ADAMTSL1: variants seen among roughly 807,000 people sequenced by gnomAD.
ADAMTSL1 encodes ADAMTS-like protein 1.
ADAMTSL1 carries 126 observed loss-of-function variants against 201.8 expected under a neutral mutation model. That is an observed-to-expected ratio of 0.62 (90% CI 0.54 to 0.72). The LOEUF (loss-of-function observed/expected upper bound fraction) is 0.72. Ranked by LOEUF, ADAMTSL1 falls within the 30% of genes least tolerant of loss-of-function variation. The probability of loss-of-function intolerance (pLI) is 0.00; values close to 1 mark genes in which losing one functional copy is unlikely to be tolerated. For missense variants in ADAMTSL1, 2,679 were observed against 2,277.8 expected (o/e 1.18, Z -3.59); for synonymous variants, 1,121 against 903.4 (o/e 1.24, Z -4.32).
chr9:18,210,319 C>A (rs1829814665), intron 2 of ADAMTSL1, among the ~76,000 whole-genome samples: 1 of 148,964 alleles, frequency 6.7e-6, no homozygotes, highest in Admixed American at 6.7e-5. Context: ...TTAATTAATT[C>A]ATTAATAAGA....
At chr9:18,500,907 C>T (rs1481467579) in intron 1 of ADAMTSL1, among the ~76,000 whole-genome samples, 2 of 152,198 alleles carry the variant, frequency 1.3e-5, no homozygotes, top group Non-Finnish European at 2.9e-5. Context: ...GACATTGCTG[C>T]TGAAATTTCC....
intron 1 of ADAMTSL1, among the ~76,000 whole-genome samples, chr9:18,482,604 C>G (rs956492418): frequency 1.3e-5 from 2 of 152,132 alleles, no homozygotes; most frequent in African/African-American, 4.8e-5. Context: ...TGTGAGCAAC[C>G]TATAATAAAT....
intron 1 of ADAMTSL1, among the ~76,000 whole-genome samples, chr9:18,123,208 T>C (rs2131929143): frequency 6.6e-6 from 1 of 152,352 alleles, no homozygotes; most frequent in East Asian, 1.9e-4. Context: ...CTAGCATATT[T>C]CATCTTCCAG....
chr9:18,057,273 T>A (rs1004096478), intron 1 of ADAMTSL1, among the ~76,000 whole-genome samples: 7 of 152,222 alleles, frequency 4.6e-5, no homozygotes, highest in African/African-American at 1.7e-4. Flanking sequence ...AGACGATTTT[T>A]CCTTTCATAA....
intron 16 of ADAMTSL1, among the ~76,000 whole-genome samples, chr9:18,768,795 A>G (rs1820512754): frequency 1.3e-5 from 2 of 152,156 alleles, no homozygotes; most frequent in Non-Finnish European, 1.5e-5. Context: ...TGGGGTCCAA[A>G]CAACCACTGG....
intron 1 of ADAMTSL1, among the ~76,000 whole-genome samples, chr9:18,015,210 T>C (rs1820207832): frequency 6.6e-6 from 1 of 152,032 alleles, no homozygotes; most frequent in South Asian, 2.1e-4. Context: ...CACAGGTGTG[T>C]CTAGGCTCAT....
intron 1 of ADAMTSL1, among the ~76,000 whole-genome samples, chr9:18,045,901 T>G (rs977703088): frequency 6.6e-6 from 1 of 152,122 alleles, no homozygotes; most frequent in African/African-American, 2.4e-5. Flanking sequence ...AATTTCCCTG[T>G]TCTAAAGAGA....
chr9:18,031,657 T>A (rs972199940), intron 1 of ADAMTSL1, among the ~76,000 whole-genome samples: 2 of 152,156 alleles, frequency 1.3e-5, no homozygotes, highest in Non-Finnish European at 2.9e-5. Context: ...ACCCTCCAAG[T>A]CCATTCCAGG....
intron 1 of ADAMTSL1, among the ~76,000 whole-genome samples, chr9:18,150,153 G>C (rs1029731296): frequency 6.6e-6 from 1 of 152,078 alleles, no homozygotes; most frequent in South Asian, 2.1e-4. Context: ...AGTTGTCATT[G>C]TATCAGTGCT....
At chr9:17,993,921 G>A (rs2131508103) in intron 1 of ADAMTSL1, among the ~76,000 whole-genome samples, 1 of 152,198 alleles carries the variant, frequency 6.6e-6, no homozygotes, top group African/African-American at 2.4e-5. Flanking sequence ...ATGTTAGTGG[G>A]AGATGGTTTT....
chr9:18,885,029 C>A (rs1177951747), intron 23 of ADAMTSL1, among the ~76,000 whole-genome samples: 1 of 152,098 alleles, frequency 6.6e-6, no homozygotes, highest in Non-Finnish European at 1.5e-5. Context: ...CATGAGATGT[C>A]CTCCCATGAA....
chr9:18,352,112 T>C (rs1411144614), intron 2 of ADAMTSL1, among the ~76,000 whole-genome samples: 1 of 152,198 alleles, frequency 6.6e-6, no homozygotes, highest in African/African-American at 2.4e-5. Context: ...AGATGTATTC[T>C]TTGTTCTTAT....
chr9:18,689,792 T>G (rs376512375), intron 13 of ADAMTSL1, among the ~76,000 whole-genome samples: 17 of 152,322 alleles, frequency 1.1e-4, no homozygotes, highest in Admixed American at 9.8e-4. Flanking sequence ...ATTCGCCAGG[T>G]GGAAAGCCTT....
At chr9:18,067,918 G>T (rs1563980300) in intron 1 of ADAMTSL1, among the ~76,000 whole-genome samples, 1 of 152,196 alleles carries the variant, frequency 6.6e-6, no homozygotes, top group Non-Finnish European at 1.5e-5. Context: ...TCAAACAGGA[G>T]GGGGTGGGCT....
intron 1 of ADAMTSL1, among the ~76,000 whole-genome samples, chr9:17,953,470 A>G (rs894618725): frequency 3.9e-5 from 6 of 152,162 alleles, no homozygotes. Context: ...ATTTGTGGTA[A>G]TTTGTCCTAC....
At chr9:18,752,962 T>C (rs182985023) in intron 15 of ADAMTSL1, among the ~76,000 whole-genome samples, 1 of 152,294 alleles carries the variant, frequency 6.6e-6, no homozygotes, top group Non-Finnish European at 1.5e-5. Flanking sequence ...GCCCAAAGCC[T>C]TTATGTACTC....
At chr9:18,518,287 C>T (rs1818483419) in intron 2 of ADAMTSL1, among the ~76,000 whole-genome samples, 1 of 151,964 alleles carries the variant, frequency 6.6e-6, no homozygotes, top group African/African-American at 2.4e-5. Flanking sequence ...GTTTTTCCAC[C>T]CCGCCCCCCA....
chr9:18,306,419 C>A (rs1833910509), intron 2 of ADAMTSL1, among the ~76,000 whole-genome samples: 1 of 152,088 alleles, frequency 6.6e-6, no homozygotes, highest in South Asian at 2.1e-4. Context: ...CGTATTCTAA[C>A]CCAATGCAAG....
intron 2 of ADAMTSL1, among the ~76,000 whole-genome samples, chr9:18,254,504 AG>A (rs1467491313): frequency 4.0e-5 from 6 of 151,402 alleles, no homozygotes; most frequent in Non-Finnish European, 5.9e-5. Context: ...CTGGGACTAC[AG>A]GCTCCCGCCA....
Sources: allele counts gnomAD v4.1 joint callset (sites outside exome capture counted in the v4.1 genomes callset), GRCh38; gene constraint gnomAD v4.1.1; transcripts MANE v1.5; gene names NCBI Gene and HGNC (gene_info 2026-07-23, HGNC 2026-07-21).